SGIP1: variants seen among roughly 807,000 people sequenced by gnomAD.
The protein encoded by SGIP1 is SH3-containing GRB2-like protein 3-interacting protein 1.
A neutral mutation model predicts 107.5 loss-of-function variants in SGIP1; 38 were observed. The observed-to-expected ratio is 0.35, with a 90% CI of 0.27 to 0.46. The LOEUF is 0.46. Ranked by LOEUF, SGIP1 falls within the 20% of genes least tolerant of loss-of-function variation. The probability of loss-of-function intolerance (pLI) is 1.00; values close to 1 mark genes in which losing one functional copy is unlikely to be tolerated. For missense variants in SGIP1, 929 were observed against 1,019.5 expected, an observed-to-expected ratio of 0.91 and a Z score of 1.21; for synonymous variants, 365 against 366.1, an observed-to-expected ratio of 1.00 and a Z score of 0.03.
intron 1 of SGIP1, among the ~76,000 whole-genome samples, chr1:66,602,715 T>C (rs534615763): frequency 2.8e-4 from 43 of 152,206 alleles, no homozygotes; most frequent in Admixed American, 5.9e-4. Context: ...GCCCTACAGG[T>C]GCAAGATACT....
chr1:66,537,323 G>A (rs2147975173), intron 1 of SGIP1, among the ~76,000 whole-genome samples: 1 of 152,264 alleles, frequency 6.6e-6, no homozygotes, highest in African/African-American at 2.4e-5. Context: ...AAGATGATGA[G>A]CAAAGGGAAT....
chr1:66,683,478 G>A (rs1276244957), intron 15 of SGIP1, among the ~76,000 whole-genome samples: 3 of 152,044 alleles, frequency 2.0e-5, no homozygotes, highest in East Asian at 1.9e-4. Context: ...GAGAGCATCC[G>A]TGGTGATCAA....
At chr1:66,690,503 T>C (rs957958517) in intron 17 of SGIP1, 187 bp downstream of exon 17, 10 of 694,866 alleles carry the variant, frequency 1.4e-5, no homozygotes, top group East Asian at 1.1e-4. Context: ...CCTAAGCAAA[T>C]GAACAAATAA....
At position 66,660,176 on chromosome 1, in the gene SGIP1, AAAGAAAGAAAGAAAG is replaced by A. The variant is rs2081066508; in HGVS notation, c.460-334_460-320del. The stretch of plus-strand genomic sequence containing the variant: ...GAAAGAAAGAAAGAAAGAAAGAAAG[AAAGAAAGAAAGAAAG>A]AAAGAAAGAAAGAAAGAAAGAAAGA... On this transcript the variant is annotated intron_variant, in intron 7 of 24. Coordinates refer to ENST00000371037, the MANE Select transcript of SGIP1 (RefSeq NM_032291.4). 3 of 164,178 alleles carry A rather than the reference AAAGAAAGAAAGAAAG, an allele frequency of 1.8e-5. 1 individual carries two copies. Among genetic ancestry groups the A allele is most frequent in the African/African-American group, 1.2e-4 (3 of 25,010 alleles). 10.2% of individuals were successfully genotyped at this position (164,178 alleles called of 1,614,324 possible). A position where few individuals can be genotyped will look rare whatever the true frequency, so the allele number is the denominator to read the frequency against.
chr1:66,739,434 A>G lies in SGIP1; in HGVS notation c.2131A>G (p.Thr711Ala). ...TDLRIDYKYN[T>A]DAMTTAVALN... ...CCTGCGCATAGATTACAAATATAAT[A>G]CAGATGCAATGACGACTGCTGTGGC... The change falls in exon 22 of 25, where the codon ACA becomes GCA. Residue 711 changes from threonine (T) to alanine (A), a missense_variant. Physicochemically the swap from Thr to Ala is moderately conservative, Grantham distance 58. Coordinates refer to ENST00000371037, the MANE Select transcript of SGIP1 (RefSeq NM_032291.4). 2 of 1,614,200 alleles carry G rather than the reference A, an allele frequency of 1.2e-6. No homozygotes were observed. Among genetic ancestry groups the G allele is most frequent in the South Asian group, 2.2e-5 (2 of 91,070 alleles).
intron 1 of SGIP1, among the ~76,000 whole-genome samples, chr1:66,551,805 A>G (rs1055780820): frequency 3.3e-5 from 5 of 152,178 alleles, no homozygotes; most frequent in African/African-American, 1.2e-4. Context: ...TGAACGCCAT[A>G]TATAAGGCAC....
At chr1:66,689,024 G>A (rs1390982642) in intron 15 of SGIP1, 124 bp from the exon 16 acceptor site, 1 of 1,086,926 alleles carries the variant, frequency 9.2e-7, no homozygotes, top group African/African-American at 1.7e-5. Flanking sequence ...GTGCTACAGT[G>A]TTTAGTGTAG....
chr1:66,674,874 A>T (rs1023599887), intron 12 of SGIP1, among the ~76,000 whole-genome samples: 5 of 152,226 alleles, frequency 3.3e-5, no homozygotes. Flanking sequence ...AAATTCTGTT[A>T]CTATAGAAGA....
chr1:66,627,532 G>C (rs1215548445), intron 2 of SGIP1, among the ~76,000 whole-genome samples: 1 of 152,118 alleles, frequency 6.6e-6, no homozygotes, highest in Admixed American at 6.6e-5. Flanking sequence ...AACCATGAAA[G>C]TTTTTAAGCC....
chr1:66,534,257 G>A lies in SGIP1; in HGVS notation c.-102G>A. The A allele has an allele frequency of 2.4e-6, 3 of 1,252,886 alleles. No homozygotes were observed. The highest frequency in any genetic ancestry group is 3.5e-6 in the Non-Finnish European group (3 of 852,350). The allele number at this position is 1,252,886 out of a possible 1,614,324, so 77.6% of individuals were successfully genotyped here. ...TTTGGCTTTGACAGCGGACGGAATAGACCTCAGCAGCGGCGTGGTGAGGAC... is the reference window on the plus strand; with the variant it reads ...TTTGGCTTTGACAGCGGACGGAATAAACCTCAGCAGCGGCGTGGTGAGGAC... On this transcript the variant is annotated 5_prime_UTR_variant, in exon 1 of 25. Transcript: ENST00000371037.
At chr1:66,718,066 T>C (rs1010991013) in intron 18 of SGIP1, among the ~76,000 whole-genome samples, 1 of 152,030 alleles carries the variant, frequency 6.6e-6, no homozygotes, top group Non-Finnish European at 1.5e-5. Flanking sequence ...CAAGAGGAGA[T>C]AAAAAAGAGA....
intron 21 of SGIP1, among the ~76,000 whole-genome samples, chr1:66,736,007 T>C (rs1305591159): frequency 2.0e-5 from 3 of 150,914 alleles, no homozygotes; most frequent in Non-Finnish European, 2.9e-5. Flanking sequence ...CATCTCAAAC[T>C]TGACTGTATT....
intron 17 of SGIP1, 147 bp downstream of exon 17, chr1:66,690,463 C>G: frequency 5.3e-6 from 6 of 1,132,768 alleles, no homozygotes; most frequent in Non-Finnish European, 7.5e-6. Flanking sequence ...TTTAAAACCA[C>G]CTTCTCAGCA....
Position 66,677,082 on chromosome 1 carries a change from C to A in SGIP1, c.725C>A (p.Pro242His). The stretch of plus-strand genomic sequence containing the variant: ...ATGGAGTCGCCAAAGTTAACAAGGC[C>A]TTTTCCCACTGGAAGTAAGTTATGT... ...PSMESPKLTR[P>H]FPTGTPPPLP... Residue 242 changes from proline (P) to histidine (H), a missense_variant, in exon 13 of 25, where the codon CCT (proline) becomes CAT (histidine). Pro to His is a moderately conservative substitution (Grantham distance 77, BLOSUM62 -2). Transcript: ENST00000371037. The A allele has an allele frequency of 6.2e-7, 1 of 1,613,684 alleles. No homozygotes were observed. The highest frequency in any genetic ancestry group is 1.1e-5 in the South Asian group (1 of 91,040).
At chr1:66,649,413 G>A (rs2078282845) in intron 7 of SGIP1, among the ~76,000 whole-genome samples, 1 of 152,172 alleles carries the variant, frequency 6.6e-6, no homozygotes, top group Non-Finnish European at 1.5e-5. Flanking sequence ...ACCTCAGTGA[G>A]AGTCTCAGTT....
chr1:66,569,978 A>T (rs577640217), intron 1 of SGIP1, among the ~76,000 whole-genome samples: 4 of 151,882 alleles, frequency 2.6e-5, no homozygotes, highest in African/African-American at 9.6e-5. Context: ...GAATTGGTTC[A>T]TTTGATCTCG....
intron 1 of SGIP1, among the ~76,000 whole-genome samples, chr1:66,564,496 T>C (rs2059389583): frequency 6.6e-6 from 1 of 151,832 alleles, no homozygotes; most frequent in South Asian, 2.1e-4. Flanking sequence ...TAAACAAATG[T>C]ACACAAGCAA....
chr1:66,722,522 A>G (rs1391510542), intron 19 of SGIP1, among the ~76,000 whole-genome samples: 1 of 152,170 alleles, frequency 6.6e-6, no homozygotes, highest in Non-Finnish European at 1.5e-5. Context: ...GAACAAGTTG[A>G]ATTGAATTAC....
chr1:66,721,059 C>T (rs147798330), intron 19 of SGIP1, among the ~76,000 whole-genome samples: 50 of 152,192 alleles, frequency 3.3e-4, no homozygotes, highest in African/African-American at 1.1e-3. Context: ...CATTCTATGC[C>T]CAGAATATTA....
Sources: gnomAD v4.1 joint callset for allele counts (sites outside exome capture counted in the v4.1 genomes callset) on GRCh38, gnomAD v4.1.1 for gene constraint, MANE v1.5 for transcripts, NCBI Gene and HGNC (gene_info 2026-07-23, HGNC 2026-07-21) for gene names.